MYO5B: variants seen among roughly 807,000 people sequenced by gnomAD.
MYO5B encodes the protein myosin VB, also known as unconventional myosin-Vb.
A neutral mutation model predicts 229.3 loss-of-function variants in MYO5B; 143 were observed. The observed-to-expected ratio is 0.62, with a 90% confidence interval of 0.54 to 0.72. The LOEUF is 0.72. Ranked by LOEUF, MYO5B falls within the 30% of genes least tolerant of loss-of-function variation. MYO5B has a pLI of 0.00. For missense variants in MYO5B, 2,321 were observed against 2,331.0 expected, an observed-to-expected ratio of 1.00 and a Z score of 0.09; for synonymous variants, 918 against 885.2, an observed-to-expected ratio of 1.04 and a Z score of -0.66.
chr18:50,045,246 GT>G (rs1351082083), intron 2 of MYO5B, among the ~76,000 whole-genome samples: 2 of 152,194 alleles, frequency 1.3e-5, no homozygotes, highest in Non-Finnish European at 2.9e-5. Context: ...AGATAATGTG[GT>G]TTTCTATCAC....
chr18:49,932,350 G>A (rs960630642), intron 16 of MYO5B, among the ~76,000 whole-genome samples: 1 of 152,302 alleles, frequency 6.6e-6, no homozygotes, highest in Admixed American at 6.5e-5. Flanking sequence ...TCCACACAGC[G>A]TGCCTGGAGC....
chr18:50,018,716 C>G (rs1411664111), intron 4 of MYO5B, among the ~76,000 whole-genome samples: 2 of 152,144 alleles, frequency 1.3e-5, no homozygotes, highest in African/African-American at 2.4e-5. Flanking sequence ...CATCCAGGCT[C>G]TAAGCTATCA....
intron 2 of MYO5B, among the ~76,000 whole-genome samples, chr18:50,054,646 C>G (rs147087366): frequency 6.6e-6 from 1 of 152,266 alleles, no homozygotes; most frequent in East Asian, 1.9e-4. Context: ...TTCATAGTTA[C>G]TACCTTGTCT....
At chr18:49,921,624 G>T (rs1422222841) in intron 17 of MYO5B, among the ~76,000 whole-genome samples, 1 of 152,222 alleles carries the variant, frequency 6.6e-6, no homozygotes, top group Non-Finnish European at 1.5e-5. Context: ...CCGAGGGCAG[G>T]CTGAGGGAAC....
At chr18:50,005,245 C>T (rs1488206577) in intron 4 of MYO5B, among the ~76,000 whole-genome samples, 1 of 152,146 alleles carries the variant, frequency 6.6e-6, no homozygotes, top group Non-Finnish European at 1.5e-5. Flanking sequence ...TGCTAAAACC[C>T]TTGATAAGTA....
rs527415186 is a variant in MYO5B at position 49,943,469 on chromosome 18, T to A, written c.1753-6072A>T. Among the ~76,000 whole-genome samples, 3 of 152,346 alleles carry A rather than the reference T, an allele frequency of 2.0e-5. No homozygotes were observed. In the South Asian group the frequency reaches 6.2e-4, roughly 32 times the overall value. On this transcript the variant is annotated intron_variant, in intron 14 of 39. Transcript: ENST00000285039. ...AGCTGTCAGAAATAAAAACACAATT[T>A]AAGATCTGTGGCTAAAATCCATATG...
chr18:50,154,751 T>C lies in MYO5B; in HGVS notation c.27+40016A>G, dbSNP rs185225279. 6.1e-4 allele frequency among the ~76,000 whole-genome samples: 93 copies of C among 152,302 alleles called. 1 individual carries two copies. Among genetic ancestry groups the C allele is most frequent in the Admixed American group, 6.1e-3 (93 of 15,302 alleles). On this transcript the variant is annotated intron_variant, in intron 1 of 39. Transcript: ENST00000285039. ...ACTGGAATTAGTCATAAGGAAGACT[T>C]TCCTAGCACAAGGGCTTTAGGGCCC...
chr18:50,179,623 C>G (rs1013877906), intron 1 of MYO5B, among the ~76,000 whole-genome samples: 3 of 152,194 alleles, frequency 2.0e-5, no homozygotes, highest in Non-Finnish European at 4.4e-5. Context: ...GAGCCAAGGA[C>G]AAGAGTAACT....
chr18:50,097,339 G>A, intron 1 of MYO5B: 1 of 450,298 alleles, frequency 2.2e-6, no homozygotes, highest in South Asian at 1.6e-5. Context: ...CAGACACCCT[G>A]CCTTACCATT....
intron 13 of MYO5B, among the ~76,000 whole-genome samples, chr18:49,953,937 C>CTA (rs10641448): frequency 0.3 from 40,152 of 135,852 alleles, 6,628 homozygotes; most frequent in African/African-American, 0.39. Context: ...TGTGTGTAGA[C>CTA]TATATATATA....
At chr18:50,120,249 G>GCTT (rs1283420721) in intron 1 of MYO5B, among the ~76,000 whole-genome samples, 3 of 152,230 alleles carry the variant, frequency 2.0e-5, no homozygotes, top group Non-Finnish European at 4.4e-5. Context: ...CCTCCAGGAA[G>GCTT]CACCGAGTGT....
intron 4 of MYO5B, among the ~76,000 whole-genome samples, chr18:50,001,959 C>T (rs774505829): frequency 7.4e-5 from 11 of 149,062 alleles, no homozygotes; most frequent in African/African-American, 2.2e-4. Context: ...TCGCTTGAAC[C>T]GAGGAGGCAG....
intron 1 of MYO5B, among the ~76,000 whole-genome samples, chr18:50,145,201 T>C (rs1465663317): frequency 6.6e-6 from 1 of 152,030 alleles, no homozygotes; most frequent in Non-Finnish European, 1.5e-5. Flanking sequence ...AGAGCAGCAA[T>C]TCTCAGCCGG....
At chr18:50,154,663 T>C (rs1275507429) in intron 1 of MYO5B, among the ~76,000 whole-genome samples, 1 of 152,224 alleles carries the variant, frequency 6.6e-6, no homozygotes, top group Non-Finnish European at 1.5e-5. Flanking sequence ...TGCAGATTAA[T>C]AGTCCATTAG....
intron 1 of MYO5B, among the ~76,000 whole-genome samples, chr18:50,058,255 TA>T (rs1321173318): frequency 2.0e-5 from 3 of 151,878 alleles, no homozygotes; most frequent in Non-Finnish European, 2.9e-5. Flanking sequence ...CATTTGAGGA[TA>T]GGAGTTTGAG....
At position 49,962,405 on chromosome 18, in the gene MYO5B, T is replaced by C. The variant is rs746751300; in HGVS notation, c.1406A>G (p.His469Arg). The C allele has an allele frequency of 2.5e-6, 4 of 1,614,062 alleles. No homozygotes were observed. The highest frequency in any genetic ancestry group is 3.4e-6 in the Non-Finnish European group (4 of 1,180,024). The change falls in exon 12 of 40, where the codon CAT (histidine) becomes CGT (arginine). Residue 469 changes from histidine (H) to arginine (R), a missense_variant and splice_region_variant. Around this residue, in one of 2 missense-constraint regions of MYO5B, gnomAD observed 2,113 missense variants for 2,044.7 expected, o/e 1.03. Coordinates refer to ENST00000285039, the MANE Select transcript of MYO5B (RefSeq NM_001080467.3). ...TTCTTCTTGCTCCAGTTTGAAAACATGCTAGGGCAAGTAAAAAGGTCACAC... is the reference window on the plus strand; with the variant it reads ...TTCTTCTTGCTCCAGTTTGAAAACACGCTAGGGCAAGTAAAAAGGTCACAC... ...NEKLQQQFNS[H>R]VFKLEQEEYM...
chr18:50,093,451 T>C (rs976207985), intron 1 of MYO5B, among the ~76,000 whole-genome samples: 10 of 152,104 alleles, frequency 6.6e-5, no homozygotes, highest in Non-Finnish European at 7.4e-5. Flanking sequence ...AAATTGAAAA[T>C]TGCCTCATGT....
At chr18:50,160,177 C>T (rs2032744059) in intron 1 of MYO5B, among the ~76,000 whole-genome samples, 1 of 152,230 alleles carries the variant, frequency 6.6e-6, no homozygotes, top group African/African-American at 2.4e-5. Flanking sequence ...AACGGGGCTG[C>T]CCGGGTGCAC....
chr18:49,942,688 T>C (rs28769972), intron 14 of MYO5B, among the ~76,000 whole-genome samples: 33,890 of 150,662 alleles, frequency 0.22, 5,175 homozygotes, highest in African/African-American at 0.45. Context: ...CCAGTTAGAA[T>C]GGCGATCATT....
Sources: allele counts gnomAD v4.1 joint callset (sites outside exome capture counted in the v4.1 genomes callset), GRCh38; gene constraint gnomAD v4.1.1; regional missense constraint gnomAD v4.1.1; transcripts MANE v1.5; gene names NCBI Gene and HGNC (gene_info 2026-07-23, HGNC 2026-07-21).